The following HS6ST3 variants were observed in gnomAD, a reference collection of about 807,000 sequenced individuals.
HS6ST3 encodes the protein heparan sulfate 6-O-sulfotransferase 3.
In HS6ST3, 12 loss-of-function variants were observed where a neutral mutation model predicts 36.7. The ratio of observed to expected loss-of-function variants is 0.33; its 90% CI spans 0.21 to 0.53. The LOEUF (loss-of-function observed/expected upper bound fraction) is 0.53. HS6ST3 is among the 20% of genes least tolerant of loss of function. HS6ST3 has a pLI of 0.95. For synonymous variants in HS6ST3, 240 were observed against 257.5 expected, an observed-to-expected ratio of 0.93 and a Z score of 0.65; for missense variants, 584 against 640.9, an observed-to-expected ratio of 0.91 and a Z score of 0.96.
At chr13:96,825,935 G>A (rs1878636997) in intron 1 of HS6ST3, among the ~76,000 whole-genome samples, 1 of 152,100 alleles carries the variant, frequency 6.6e-6, no homozygotes, top group Non-Finnish European at 1.5e-5. Context: ...TAAGACTTGA[G>A]GGCATTTTCT....
At chr13:96,466,570 C>G (rs1331075554) in intron 1 of HS6ST3, among the ~76,000 whole-genome samples, 1 of 152,082 alleles carries the variant, frequency 6.6e-6, no homozygotes, top group Non-Finnish European at 1.5e-5. Flanking sequence ...GTATAATGTT[C>G]CTCAGGCTCA....
intron 1 of HS6ST3, among the ~76,000 whole-genome samples, chr13:96,326,851 A>AC (rs2055034680): frequency 6.6e-6 from 1 of 150,596 alleles, no homozygotes; most frequent in Non-Finnish European, 1.5e-5. Flanking sequence ...TTGTTTCCTG[A>AC]CTTTTTAATG....
intron 1 of HS6ST3, among the ~76,000 whole-genome samples, chr13:96,677,534 A>C (rs1361694173): frequency 1.3e-5 from 2 of 152,132 alleles, no homozygotes; most frequent in Non-Finnish European, 2.9e-5. Flanking sequence ...ATATGCATAT[A>C]TGTGTGTGTG....
intron 1 of HS6ST3, among the ~76,000 whole-genome samples, chr13:96,488,532 T>C (rs1305080773): frequency 6.6e-6 from 1 of 152,072 alleles, no homozygotes; most frequent in African/African-American, 2.4e-5. Flanking sequence ...TAACTTCTGA[T>C]TGAGTGTCCA....
intron 1 of HS6ST3, among the ~76,000 whole-genome samples, chr13:96,171,639 A>G (rs750999331): frequency 2.6e-5 from 4 of 152,242 alleles, no homozygotes; most frequent in Non-Finnish European, 5.9e-5. Flanking sequence ...GGTTCTCAGA[A>G]TTCATCAGTT....
chr13:96,556,540 C>T (rs1387137965), intron 1 of HS6ST3, among the ~76,000 whole-genome samples: 87 of 152,118 alleles, frequency 5.7e-4, no homozygotes, highest in Non-Finnish European at 1.2e-4. Flanking sequence ...TGGTTTGAAG[C>T]TTTGGCCAGA....
intron 1 of HS6ST3, among the ~76,000 whole-genome samples, chr13:96,434,711 C>G (rs1218254681): frequency 6.6e-6 from 1 of 152,150 alleles, no homozygotes. Flanking sequence ...TCTGGGTGGT[C>G]TCATACCTAG....
At chr13:96,754,507 A>G (rs1224611069) in intron 1 of HS6ST3, among the ~76,000 whole-genome samples, 3 of 152,230 alleles carry the variant, frequency 2.0e-5, no homozygotes, top group African/African-American at 4.8e-5. Flanking sequence ...TACCAAGGGT[A>G]TAACTACATG....
intron 1 of HS6ST3, among the ~76,000 whole-genome samples, chr13:96,142,775 T>G (rs896979242): frequency 1.3e-5 from 2 of 152,144 alleles, no homozygotes; most frequent in Admixed American, 1.3e-4. Flanking sequence ...CAATTAAATA[T>G]TTTATCCTTC....
At chr13:96,413,833 C>A (rs1423625233) in intron 1 of HS6ST3, among the ~76,000 whole-genome samples, 2 of 152,308 alleles carry the variant, frequency 1.3e-5, no homozygotes, top group East Asian at 3.9e-4. Flanking sequence ...CCTTTGATTG[C>A]TGCTGCTATT....
chr13:96,205,076 A>G (rs1331481927), intron 1 of HS6ST3, among the ~76,000 whole-genome samples: 2 of 147,436 alleles, frequency 1.4e-5, no homozygotes, highest in East Asian at 4.0e-4. Flanking sequence ...TAAAAAATAC[A>G]TAGACTACTA....
At chr13:96,803,299 A>T (rs539350412) in intron 1 of HS6ST3, among the ~76,000 whole-genome samples, 1 of 152,176 alleles carries the variant, frequency 6.6e-6, no homozygotes, top group African/African-American at 2.4e-5. Flanking sequence ...AACACTTCTC[A>T]TCTTTGCAGA....
rs540370969 is a variant in HS6ST3 at position 96,570,356 on chromosome 13, A to G, written c.708-262134A>G. On this transcript the variant is annotated intron_variant, in intron 1 of 1. Coordinates refer to ENST00000376705, the MANE Select transcript of HS6ST3 (RefSeq NM_153456.4). ...TTCCCACACCTCTGAATATTAAGCC[A>G]CAGAAAGGTTTTTTGGTAATATAAC... Among the ~76,000 whole-genome samples, 13 of 152,320 alleles carry G rather than the reference A, an allele frequency of 8.5e-5. No homozygotes were observed. In the East Asian group the frequency reaches 2.5e-3, roughly 29 times the overall value.
chr13:96,247,951 C>T (rs1027272934), intron 1 of HS6ST3, among the ~76,000 whole-genome samples: 1 of 152,100 alleles, frequency 6.6e-6, no homozygotes, highest in East Asian at 1.9e-4. Context: ...ACTTGGGTGT[C>T]AACTCTATAA....
chr13:96,783,927 A>G (rs1171334956), intron 1 of HS6ST3, among the ~76,000 whole-genome samples: 1 of 152,130 alleles, frequency 6.6e-6, no homozygotes, highest in Admixed American at 6.6e-5. Context: ...CTTCTCAATC[A>G]GTTTAATAAC....
Position 96,091,236 on chromosome 13 carries a change from C to A in HS6ST3, c.374C>A (p.Pro125Gln), listed in dbSNP as rs763581675. 1.9e-6 allele frequency: 3 copies of A among 1,593,268 alleles called. No homozygotes were observed. Among genetic ancestry groups the A allele is most frequent in the Non-Finnish European group, 1.7e-6 (2 of 1,169,688 alleles). ...PENGSLPRFV[P>Q]RFNFSLKDLT... is the part of the protein sequence containing the mutation. ...AACGGCTCCCTGCCCCGATTCGTGC[C>A]GCGCTTCAACTTCAGCCTGAAGGAC... is the stretch of plus-strand genomic sequence containing the variant. Residue 125 changes from proline to glutamine, a missense_variant, in exon 1 of 2, where the codon CCG becomes CAG. Pro to Gln is a moderately conservative substitution (Grantham distance 76). Around this residue, in one of 3 missense-constraint regions of HS6ST3, gnomAD observed 217 missense variants for 205.4 expected, o/e 1.06. Transcript: ENST00000376705.
At chr13:96,648,557 C>T (rs1308150705) in intron 1 of HS6ST3, among the ~76,000 whole-genome samples, 3 of 151,258 alleles carry the variant, frequency 2.0e-5, no homozygotes, top group Admixed American at 6.6e-5. Context: ...CCTAGGTAAA[C>T]GTGTGCCATG....
chr13:96,153,502 C>A (rs1173276270), intron 1 of HS6ST3, among the ~76,000 whole-genome samples: 2 of 152,104 alleles, frequency 1.3e-5, no homozygotes, highest in Non-Finnish European at 2.9e-5. Context: ...CCATTTCATC[C>A]CCGCTATGTG....
At chr13:96,744,985 G>A (rs899436927) in intron 1 of HS6ST3, among the ~76,000 whole-genome samples, 66 of 152,124 alleles carry the variant, frequency 4.3e-4, no homozygotes, top group African/African-American at 1.6e-3. Flanking sequence ...GTTTCTTACT[G>A]ATCAAATATC....
Sources: allele counts gnomAD v4.1 joint callset (sites outside exome capture counted in the v4.1 genomes callset), GRCh38; gene constraint gnomAD v4.1.1; regional missense constraint gnomAD v4.1.1; transcripts MANE v1.5; gene names NCBI Gene and HGNC (gene_info 2026-07-23, HGNC 2026-07-21).